The following CP variants were observed in gnomAD, a reference collection of about 807,000 sequenced individuals.
CP encodes ceruloplasmin.
Under a neutral mutation model 122.4 loss-of-function variants are expected in CP, and 64 were observed. The observed-to-expected ratio is 0.52, with a 90% CI of 0.43 to 0.64. The LOEUF (loss-of-function observed/expected upper bound fraction) is 0.64. CP is among the 30% of genes least tolerant of loss of function. The probability of loss-of-function intolerance (pLI) is 0.00; values close to 1 mark genes in which losing one functional copy is unlikely to be tolerated. For missense variants in CP, 1,167 were observed against 1,284.4 expected, an observed-to-expected ratio of 0.91 and a Z score of 1.40; for synonymous variants, 440 against 436.4, an observed-to-expected ratio of 1.01 and a Z score of -0.10.
At chr3:149,205,702 G>A (rs555947175) in intron 6 of CP, among the ~76,000 whole-genome samples, 2 of 152,218 alleles carry the variant, frequency 1.3e-5, no homozygotes, top group South Asian at 2.1e-4. Context: ...AACTCATAGA[G>A]ACAGAAAGTA....
chr3:149,185,550 G>T, intron 11 of CP, 104 bp from the exon 12 acceptor site: 1 of 1,061,186 alleles, frequency 9.4e-7, no homozygotes, highest in Non-Finnish European at 1.4e-6. Context: ...GGCCTCAGGT[G>T]ATCTAGCTTT....
chr3:149,163,763 A>T, intron 5 of CP: 2 of 791,762 alleles, frequency 2.5e-6, no homozygotes, highest in Non-Finnish European at 2.2e-6. Flanking sequence ...AGAATTAATG[A>T]TTGCTTTGCT....
chr3:149,162,809 A>G, exon 6 of CP: 1 of 1,614,076 alleles, frequency 6.2e-7, no homozygotes, highest in East Asian at 2.2e-5. Flanking sequence ...AACTCACATC[A>G]CAGTACATCT....
intron 5 of CP, among the ~76,000 whole-genome samples, chr3:149,164,165 T>A (rs1724181512): frequency 6.6e-6 from 1 of 152,158 alleles, no homozygotes; most frequent in African/African-American, 2.4e-5. Flanking sequence ...CTGGTTTTGT[T>A]GTAGGTGGAT....
intron 13 of CP, among the ~76,000 whole-genome samples, chr3:149,183,189 C>T (rs1299795678): frequency 2.0e-5 from 3 of 152,032 alleles, no homozygotes; most frequent in African/African-American, 7.2e-5. Context: ...CTGGGAACTT[C>T]ACTAAAACTA....
downstream of CP, chr3:149,172,043 T>C: frequency 1.9e-6 from 3 of 1,586,660 alleles, no homozygotes; most frequent in Non-Finnish European, 2.6e-6. Context: ...TAAGAAGAGA[T>C]TGAATGAAAG....
Position 149,163,966 on chromosome 3 carries a change from CCTTTT to C in CP, c.*14-1096_*14-1092del, listed in dbSNP as rs761221765. On this transcript the variant is annotated intron_variant, in intron 5 of 5. Coordinates refer to the CP transcript ENST00000479771. ...AAATTACAGGTAAGTAAAAATACCTCCTTTTCTTATGAAATTGCATATTACAATAT... is the reference window on the plus strand; with the variant it reads ...AAATTACAGGTAAGTAAAAATACCTCCTTATGAAATTGCATATTACAATAT... 4 of 1,203,734 alleles carry C rather than the reference CCTTTT, an allele frequency of 3.3e-6. No individual in the cohort carries two copies. Among genetic ancestry groups the C allele is most frequent in the Non-Finnish European group, 5.0e-6 (4 of 807,652 alleles). 74.6% of individuals were successfully genotyped at this position (1,203,734 alleles called of 1,614,324 possible). A position where few individuals can be genotyped will look rare whatever the true frequency, so the allele number is the denominator to read the frequency against.
chr3:149,206,525 A>G (rs529022567), intron 5 of CP, among the ~76,000 whole-genome samples, 186 bp from the exon 6 acceptor site: 11 of 152,378 alleles, frequency 7.2e-5, no homozygotes, highest in Non-Finnish European at 1.5e-4. Context: ...TAAAACAGAT[A>G]TACTTTGTTT....
chr3:149,207,626 C>G lies in CP; in HGVS notation c.782-9G>C, dbSNP rs566719310. ...AGTGTATCCATTCACAGCTGTAAGT[C>G]AAGAGCAGAGTTTGTGACTAAGAGT... is the stretch of plus-strand genomic sequence containing the variant. On this transcript the variant is annotated splice_polypyrimidine_tract_variant and intron_variant, in intron 4 of 18. Coordinates refer to ENST00000264613, the MANE Select transcript of CP (RefSeq NM_000096.4). 2.5e-6 allele frequency: 4 copies of G among 1,613,556 alleles called. No individual in the cohort carries two copies. Among genetic ancestry groups the G allele is most frequent in the Non-Finnish European group, 3.4e-6 (4 of 1,179,666 alleles).
chr3:149,167,353 C>A, intron 4 of CP: 1 of 803,924 alleles, frequency 1.2e-6, no homozygotes, highest in Non-Finnish European at 2.1e-6. Context: ...CATCATAAGG[C>A]TGTGTGGGTC....
intron 4 of CP, chr3:149,167,383 A>C: frequency 1.4e-6 from 1 of 706,628 alleles, no homozygotes; most frequent in Non-Finnish European, 2.5e-6. Context: ...TATATGTTTA[A>C]TATGTTACGT....
At chr3:149,176,084 A>G in intron 18 of CP, 166 bp downstream of exon 18, 1 of 653,542 alleles carries the variant, frequency 1.5e-6, no homozygotes, top group Admixed American at 2.5e-5. Flanking sequence ...CTCACCATTT[A>G]GCAGGAAAAA....
In CP at chr3:149,209,260, C is replaced by T. The variant is rs917446548; in HGVS notation, c.732G>A (p.Glu244=). 2.5e-6 allele frequency: 4 copies of T among 1,613,800 alleles called. No individual in the cohort carries two copies. The highest frequency in any genetic ancestry group is 3.4e-6 in the Non-Finnish European group (4 of 1,179,774). ...AGTCTTCGTTGTCTTTGTCAACTTTCTCTGGTTCTGAGCAGTAGGTTTTAA... is the reference window on the plus strand; with the variant it reads ...AGTCTTCGTTGTCTTTGTCAACTTTTTCTGGTTCTGAGCAGTAGGTTTTAA... The part of the protein sequence containing the change: ...DNIKTYCSEP[E]KVDKDNEDFQ... The change falls in exon 4 of 19, where the codon GAG becomes GAA. Residue 244 remains glutamate (E), a synonymous_variant. Transcript: ENST00000264613.
chr3:149,197,712 T>C (rs1726988145), intron 9 of CP, among the ~76,000 whole-genome samples: 1 of 152,176 alleles, frequency 6.6e-6, no homozygotes, highest in Admixed American at 6.5e-5. Flanking sequence ...CCTCAGATCA[T>C]CAGGCATAAA....
rs1409388514 is a variant in CP at position 149,176,291 on chromosome 3, T to A, written c.3140A>T (p.His1047Leu). ...LLHCHVTDHI[H>L]AGMETTYTVL... ...GGTGTAAGTGGTTTCCATTCCAGCA[T>A]GAATGTGGTCGGTCACATGGCAGTG... is the stretch of plus-strand genomic sequence containing the variant. The change falls in exon 18 of 19, where the codon CAT (histidine) becomes CTT (leucine). Residue 1047 changes from histidine (H) to leucine (L), a missense_variant. Physicochemically the swap from His to Leu is moderately conservative, Grantham distance 99. Around this residue, in one of 2 missense-constraint regions of CP, gnomAD observed 525 missense variants for 657.2 expected, o/e 0.80. Transcript: ENST00000264613. The A allele has an allele frequency of 2.5e-6, 4 of 1,613,222 alleles. No homozygotes were observed. In the East Asian group the frequency reaches 8.9e-5, roughly 36 times the overall value.
intron 11 of CP, 121 bp downstream of exon 11, chr3:149,186,399 G>A (rs1726173535): frequency 1.1e-6 from 1 of 906,444 alleles, no homozygotes; most frequent in Non-Finnish European, 1.8e-6. Context: ...TCAAAGATAG[G>A]AAGGGCACTT....
chr3:149,163,835 GT>G, intron 5 of CP: 1 of 1,431,540 alleles, frequency 7.0e-7, no homozygotes. Flanking sequence ...ATTCTTTTAT[GT>G]TTTAGATAAA....
rs774685745 is a variant in CP at position 149,167,081 on chromosome 3, C to T, written c.587-1031G>A. On this transcript the variant is annotated intron_variant, in intron 4 of 5. Transcript: ENST00000479771. ...TTGACATAGCTTCCATTATTCCGTT[C>T]TTGGAGCCACTTTCAGAAGACACTA... 3 of 1,613,856 alleles carry T rather than the reference C, an allele frequency of 1.9e-6. No homozygotes were observed. In the African/African-American group the frequency reaches 4.0e-5, roughly 22 times the overall value.
intron 3 of CP, among the ~76,000 whole-genome samples, chr3:149,209,791 A>G (rs188092396): frequency 1.3e-5 from 2 of 152,196 alleles, no homozygotes; most frequent in African/African-American, 4.8e-5. Context: ...AATAAATACT[A>G]TGATATTATG....
Sources: allele counts gnomAD v4.1 joint callset (sites outside exome capture counted in the v4.1 genomes callset), GRCh38; gene constraint gnomAD v4.1.1; regional missense constraint gnomAD v4.1.1; transcripts MANE v1.5; gene names NCBI Gene and HGNC (gene_info 2026-07-23, HGNC 2026-07-21).